Variants in IDH3A observed in about 807,000 individuals in gnomAD.
IDH3A encodes isocitrate dehydrogenase [NAD] subunit alpha, mitochondrial.
Under a neutral mutation model 43.3 loss-of-function variants are expected in IDH3A, and 23 were observed. The observed-to-expected ratio is 0.53, with a 90% CI of 0.38 to 0.75. IDH3A has a LOEUF of 0.75. Among genes scored for constraint, IDH3A ranks in the 30% least tolerant of loss-of-function variants. IDH3A has a pLI of 0.00. For missense variants in IDH3A, 329 were observed against 474.4 expected (o/e 0.69, Z 2.85); for synonymous variants, 154 against 163.5 (o/e 0.94, Z 0.44).
intron 8 of IDH3A, 145 bp downstream of exon 8, chr15:78,163,925 G>A: frequency 1.6e-6 from 1 of 620,386 alleles, no homozygotes. Context: ...AGTTCAGGTT[G>A]TGATATGAAT....
rs1384997300 is a variant in IDH3A, at chr15:78,171,418, A to G, written c.*2413A>G. Reference sequence around the variant, plus strand: ...GCTCGGAACGCCTGCCCTCTATTCTATAGAAACTGCAGGCATAGGCCCTGA... The same window carrying G: ...GCTCGGAACGCCTGCCCTCTATTCTGTAGAAACTGCAGGCATAGGCCCTGA... On this transcript the variant is annotated 3_prime_UTR_variant, in exon 11 of 11. Coordinates refer to ENST00000299518, the MANE Select transcript of IDH3A (RefSeq NM_005530.3). The G allele has an allele frequency of 1.9e-6, 3 of 1,599,382 alleles. No homozygotes were observed. The highest frequency in any genetic ancestry group is 2.6e-6 in the Non-Finnish European group (3 of 1,166,868).
intron 6 of IDH3A, 109 bp from the exon 7 acceptor site, chr15:78,163,398 A>C (rs535257368): frequency 1.5e-6 from 1 of 688,204 alleles, no homozygotes; most frequent in Admixed American, 2.6e-5. Flanking sequence ...GGGATCAGGT[A>C]GCTTGGCTTC....
In IDH3A at chr15:78,169,671, C is replaced by A. The variant is rs979814943; in HGVS notation, c.*666C>A. 1.3e-5 allele frequency: 2 copies of A among 152,176 alleles called. No homozygotes were observed. Among genetic ancestry groups the A allele is most frequent in the African/African-American group, 2.4e-5 (1 of 41,444 alleles). 9.4% of individuals were successfully genotyped at this position (152,176 alleles called of 1,614,324 possible). On this transcript the variant is annotated 3_prime_UTR_variant, in exon 11 of 11. Transcript: ENST00000299518. The stretch of plus-strand genomic sequence containing the variant: ...AGGTAATATATTGGATACAAAGACA[C>A]AAATGTATTGTGTGTTCAATTATTT...
chr15:78,162,677 C>T (rs1240730633), intron 6 of IDH3A, among the ~76,000 whole-genome samples: 1 of 151,822 alleles, frequency 6.6e-6, no homozygotes, highest in Non-Finnish European at 1.5e-5. Context: ...TCCCGAGTCA[C>T]TGGGACTACA....
intron 10 of IDH3A, 58 bp downstream of exon 10, chr15:78,166,360 A>T: frequency 6.5e-7 from 1 of 1,547,852 alleles, no homozygotes; most frequent in South Asian, 1.1e-5. Context: ...CATGTGTTTT[A>T]TCTGAGTGAA....
intron 2 of IDH3A, among the ~76,000 whole-genome samples, chr15:78,156,227 A>G (rs775974605): frequency 1.3e-5 from 2 of 152,214 alleles, no homozygotes; most frequent in Non-Finnish European, 2.9e-5. Context: ...GCTCTCTGCT[A>G]TTATTTAATT....
chr15:78,164,037 TTTGA>T (rs755108724), intron 8 of IDH3A, among the ~76,000 whole-genome samples: 2 of 152,148 alleles, frequency 1.3e-5, no homozygotes, highest in Non-Finnish European at 2.9e-5. Flanking sequence ...TTTTTAAATG[TTTGA>T]TTGATTGATT....
At chr15:78,159,438 CATG>C (rs1236852182) in intron 3 of IDH3A, among the ~76,000 whole-genome samples, 2 of 152,102 alleles carry the variant, frequency 1.3e-5, no homozygotes, top group African/African-American at 4.8e-5. Context: ...TTTCACTTAG[CATG>C]ATGTTTTTAA....
chr15:78,149,930 G>A (rs1200492454), intron 1 of IDH3A, among the ~76,000 whole-genome samples: 1 of 152,256 alleles, frequency 6.6e-6, no homozygotes, highest in African/African-American at 2.4e-5. Context: ...TTGAGCTTGG[G>A]AGGTTTTCCC....
chr15:78,165,151 T>C, intron 9 of IDH3A, 75 bp downstream of exon 9: 1 of 885,254 alleles, frequency 1.1e-6, no homozygotes. Context: ...TCTGTATAAG[T>C]ATGCTTTAAC....
Position 78,166,218 on chromosome 15 carries a change from C to T in IDH3A, c.933C>T (p.Ala311=), listed in dbSNP as rs199720251. Residue 311 remains alanine, a synonymous_variant, in exon 10 of 11, where the codon GCC becomes GCT. Coordinates refer to ENST00000299518, the MANE Select transcript of IDH3A (RefSeq NM_005530.3). ...MANPTALLLS[A]VMMLRHMGLF... ...ATCCCACAGCCCTCCTGCTCAGTGC[C>T]GTGATGATGCTGCGCCACATGGGAC... is the stretch of plus-strand genomic sequence containing the variant. 4 of 1,614,038 alleles carry T rather than the reference C, an allele frequency of 2.5e-6. No individual in the cohort carries two copies. Among genetic ancestry groups the T allele is most frequent in the African/African-American group, 1.3e-5 (1 of 75,032 alleles).
At position 78,159,557 on chromosome 15, in the gene IDH3A, A is replaced by G. The variant is rs2044097; in HGVS notation, c.175-535A>G. 1.0e-2 allele frequency among the ~76,000 whole-genome samples: 1,522 copies of G among 152,346 alleles called. 24 individuals carry two copies. Among genetic ancestry groups the G allele is most frequent in the African/African-American group, 0.035 (1,468 of 41,582 alleles). ...CTGTTAAGAGCCCTTGTGAAAAGAA[A>G]TAAGTGGGCAGGTGGTAGCTGGGAG... On this transcript the variant is annotated intron_variant, in intron 3 of 10. Transcript: ENST00000299518.
In IDH3A at chr15:78,161,158, A is replaced by G. The variant is rs1011647794; in HGVS notation, c.290-423A>G. 2.0e-5 allele frequency among the ~76,000 whole-genome samples: 3 copies of G among 152,260 alleles called. No individual in the cohort carries two copies. Among genetic ancestry groups the G allele is most frequent in the Non-Finnish European group, 4.4e-5 (3 of 68,052 alleles). ...TGGCCTCCCAAAGTGTTGGGATTAC[A>G]GGCCTGAGACTGTAGGCCAGAGCAA... On this transcript the variant is annotated intron_variant, in intron 4 of 10. Transcript: ENST00000299518. The surrounding 1 kb of genome is among the most constrained non-coding windows in gnomAD (Gnocchi z 4.8).
intron 1 of IDH3A, among the ~76,000 whole-genome samples, chr15:78,154,132 G>T: frequency 6.8e-6 from 1 of 147,840 alleles, no homozygotes. Context: ...AGTTATTAAA[G>T]TTTATAATAA....
At chr15:78,164,837 T>A (rs1395971675) in intron 8 of IDH3A, among the ~76,000 whole-genome samples, 155 bp from the exon 9 acceptor site, 1 of 152,220 alleles carries the variant, frequency 6.6e-6, no homozygotes. Context: ...TCGAGGCTCA[T>A]CTGTATTTTC....
intron 1 of IDH3A, among the ~76,000 whole-genome samples, chr15:78,149,737 G>C (rs2074557753): frequency 6.6e-6 from 1 of 152,264 alleles, no homozygotes; most frequent in Non-Finnish European, 1.5e-5. Flanking sequence ...GCCCAGGCCA[G>C]AGCCCAGGCT....
chr15:78,163,483 C>G, intron 6 of IDH3A, 24 bp from the exon 7 acceptor site: 2 of 1,486,498 alleles, frequency 1.3e-6, no homozygotes, highest in Non-Finnish European at 1.9e-6. Flanking sequence ...TTTTTTTCAG[C>G]AGTTTTTATT....
chr15:78,169,058 C>A lies in IDH3A; in HGVS notation c.*53C>A. ...TCACTCTAAATGGACACCACATGAA[C>A]CTCTGTTTAGAATACCTACGTATGT... On this transcript the variant is annotated 3_prime_UTR_variant, in exon 11 of 11. Coordinates refer to ENST00000299518, the MANE Select transcript of IDH3A (RefSeq NM_005530.3). 8.8e-7 allele frequency: 1 copy of A among 1,141,830 alleles called. No homozygotes were observed. The highest frequency in any genetic ancestry group is 1.3e-6 in the Non-Finnish European group (1 of 763,130). The allele number at this position is 1,141,830 out of a possible 1,614,324, so 70.7% of individuals were successfully genotyped here. A position where few individuals can be genotyped will look rare whatever the true frequency, so the allele number is the denominator to read the frequency against.
Position 78,163,701 on chromosome 15 carries a change from A to G in IDH3A, c.715-15A>G, listed in dbSNP as rs2074707409. ...CAGATTTTGATTACTAAATGCACAA[A>G]TGTATTCCTTGTAGATGGTACAAGA... is the stretch of plus-strand genomic sequence containing the variant. On this transcript the variant is annotated splice_polypyrimidine_tract_variant and intron_variant, in intron 7 of 10. Coordinates refer to ENST00000299518, the MANE Select transcript of IDH3A (RefSeq NM_005530.3). 1 of 1,608,974 alleles carries G rather than the reference A, an allele frequency of 6.2e-7. No individual in the cohort carries two copies. The highest frequency in any genetic ancestry group is 1.7e-5 in the Admixed American group (1 of 59,970).
Sources: gnomAD v4.1 joint callset for allele counts (sites outside exome capture counted in the v4.1 genomes callset) on GRCh38, gnomAD v4.1.1 for gene constraint, Gnocchi (gnomAD v3.1) non-coding constraint, MANE v1.5 for transcripts, NCBI Gene and HGNC (gene_info 2026-07-23, HGNC 2026-07-21) for gene names.